Variants in NOL11 observed in about 807,000 individuals in gnomAD.
NOL11 encodes nucleolar protein 11.
Under a neutral mutation model 93.0 loss-of-function variants are expected in NOL11, and 42 were observed. The observed-to-expected ratio is 0.45, with a 90% CI of 0.35 to 0.58. NOL11 has a LOEUF of 0.58. Among genes scored for constraint, NOL11 ranks in the 20% least tolerant of loss-of-function variants. The pLI, the probability that NOL11 is intolerant of heterozygous loss-of-function variation, is 0.00. For missense variants in NOL11, 775 were observed against 841.8 expected (o/e 0.92, Z 0.98); for synonymous variants, 296 against 293.7 (o/e 1.01, Z -0.08).
At chr17:67,724,965 G>A (rs2055076363) in intron 6 of NOL11, among the ~76,000 whole-genome samples, 1 of 152,188 alleles carries the variant, frequency 6.6e-6, no homozygotes, top group Non-Finnish European at 1.5e-5. Context: ...GGCTGAGGCA[G>A]GAGAATGGTG....
At chr17:67,730,233 A>G (rs921300597) in intron 7 of NOL11, among the ~76,000 whole-genome samples, 1 of 151,902 alleles carries the variant, frequency 6.6e-6, no homozygotes, top group East Asian at 1.9e-4. Context: ...GTATTTGTGT[A>G]CCAGTTTTTT....
intron 1 of NOL11, 32 bp from the exon 2 acceptor site, chr17:67,719,642 C>G (rs1041388451): frequency 1.8e-6 from 2 of 1,117,312 alleles, no homozygotes; most frequent in African/African-American, 3.1e-5. Context: ...AAGTTGACTT[C>G]TTGAATATTG....
intron 6 of NOL11, among the ~76,000 whole-genome samples, 163 bp downstream of exon 6, chr17:67,724,356 C>G (rs1433993283): frequency 7.8e-6 from 1 of 128,254 alleles, no homozygotes; most frequent in Non-Finnish European, 1.6e-5. Context: ...TTTTTTGAGA[C>G]AGAGTCTCGC....
rs201070916 is a variant in NOL11 at position 67,724,140 on chromosome 17, T to C, written c.611T>C (p.Ile204Thr). The part of the protein sequence containing the change: ...LLLGQDENSV[I>T]KSFTASVDRK... Reference sequence around the variant, plus strand: ...CTTGGACAAGACGAAAACTCTGTTATAAAGAGTTTTACTGCATCTGTAGAT... The same window carrying C: ...CTTGGACAAGACGAAAACTCTGTTACAAAGAGTTTTACTGCATCTGTAGAT... Residue 204 changes from isoleucine (I) to threonine (T), a missense_variant, in exon 6 of 18, where the codon ATA becomes ACA. Coordinates refer to ENST00000253247, the MANE Select transcript of NOL11 (RefSeq NM_015462.5). The C allele has an allele frequency of 1.3e-6, 2 of 1,592,616 alleles. No individual in the cohort carries two copies. The highest frequency in any genetic ancestry group is 1.4e-5 in the African/African-American group (1 of 73,766).
intron 15 of NOL11, 33 bp downstream of exon 15, chr17:67,739,043 C>T (rs748114765): frequency 2.6e-5 from 38 of 1,450,764 alleles, no homozygotes; most frequent in Non-Finnish European, 3.5e-5. Context: ...TAGAATTTTA[C>T]TTCTGGTTTA....
chr17:67,731,728 T>G (rs2055155941), intron 7 of NOL11, among the ~76,000 whole-genome samples: 1 of 152,220 alleles, frequency 6.6e-6, no homozygotes, highest in South Asian at 2.1e-4. Context: ...AAATAAGGGA[T>G]TAACTTTGTT....
In NOL11 at chr17:67,736,062, G is replaced by A. The variant is rs139628678; in HGVS notation, c.1054+39G>A. Reference sequence around the variant, plus strand: ...TCTGTTTGTTTTATTAATACAAACCGTTTTATTAACTTGTAGTTTCGTACA... The same window carrying A: ...TCTGTTTGTTTTATTAATACAAACCATTTTATTAACTTGTAGTTTCGTACA... On this transcript the variant is annotated intron_variant, in intron 9 of 17. Transcript: ENST00000253247. 7.8e-4 allele frequency: 1,212 copies of A among 1,554,810 alleles called. 13 individuals are homozygous for A. In the Middle Eastern group the frequency reaches 8.5e-3, roughly 11 times the overall value.
At chr17:67,728,926 T>A (rs955756553) in intron 7 of NOL11, among the ~76,000 whole-genome samples, 71 of 152,328 alleles carry the variant, frequency 4.7e-4, no homozygotes, top group African/African-American at 1.7e-3. Flanking sequence ...AACATAAAAT[T>A]AATCGTTTTA....
chr17:67,741,340 G>T (rs549281950), intron 16 of NOL11, among the ~76,000 whole-genome samples: 1 of 152,132 alleles, frequency 6.6e-6, no homozygotes, highest in African/African-American at 2.4e-5. Context: ...AAAGTGCTAG[G>T]ATTACAGGTG....
chr17:67,718,367 G>A (rs1386998790), intron 1 of NOL11, among the ~76,000 whole-genome samples: 1 of 152,202 alleles, frequency 6.6e-6, no homozygotes, highest in East Asian at 1.9e-4. Context: ...GGAACTCGCG[G>A]AATTGGCCTT....
chr17:67,743,624 C>T (rs759624217), intron 17 of NOL11, 38 bp downstream of exon 17: 4 of 1,308,710 alleles, frequency 3.1e-6, no homozygotes, highest in African/African-American at 1.5e-5. Context: ...TTTATTTGTA[C>T]CCAAGTATCA....
chr17:67,724,371 T>C (rs960445560), intron 6 of NOL11, among the ~76,000 whole-genome samples, 178 bp downstream of exon 6: 1 of 148,520 alleles, frequency 6.7e-6, no homozygotes, highest in Non-Finnish European at 1.5e-5. Context: ...TCTCGCTCTG[T>C]CGCCCAGGCT....
intron 8 of NOL11, among the ~76,000 whole-genome samples, chr17:67,735,539 A>C (rs895638382): frequency 2.6e-5 from 4 of 151,836 alleles, no homozygotes; most frequent in Non-Finnish European, 5.9e-5. Flanking sequence ...TAAAGTGTTA[A>C]ATTCCGGTTT....
At position 67,730,353 on chromosome 17, in the gene NOL11, C is replaced by T. The variant is rs183011207; in HGVS notation, c.853+3705C>T. Among the ~76,000 whole-genome samples the T allele has an allele frequency of 5.3e-3, 802 of 152,258 alleles. 4 individuals carry two copies. Among genetic ancestry groups the T allele is most frequent in the Non-Finnish European group, 9.3e-3 (630 of 68,026 alleles). ...TGGGCTCACTGCAAGCTCCGCCTCT[C>T]GGGTTCACACCATTCTTCTGTCTCA... On this transcript the variant is annotated intron_variant, in intron 7 of 17. Coordinates refer to ENST00000253247, the MANE Select transcript of NOL11 (RefSeq NM_015462.5).
At chr17:67,730,272 T>G (rs560036336) in intron 7 of NOL11, among the ~76,000 whole-genome samples, 49 of 152,196 alleles carry the variant, frequency 3.2e-4, no homozygotes, top group Middle Eastern at 3.4e-3. Context: ...TTGTTTGTTT[T>G]TTTGAGACAA....
intron 7 of NOL11, among the ~76,000 whole-genome samples, chr17:67,731,916 GTTC>G (rs905181466): frequency 9.2e-5 from 14 of 152,250 alleles, no homozygotes; most frequent in African/African-American, 2.9e-4. Context: ...CTCCAACTTT[GTTC>G]TTCTTTTTCA....
intron 7 of NOL11, among the ~76,000 whole-genome samples, chr17:67,729,481 G>A (rs1460956887): frequency 6.6e-6 from 1 of 151,920 alleles, no homozygotes; most frequent in Non-Finnish European, 1.5e-5. Flanking sequence ...TTAGGCAGTT[G>A]CTCCTCATTC....
intron 1 of NOL11, 38 bp downstream of exon 1, chr17:67,718,126 C>G (rs1320773706): frequency 6.3e-7 from 1 of 1,596,624 alleles, no homozygotes; most frequent in East Asian, 2.2e-5. Flanking sequence ...CGACTGCCTT[C>G]TCGCCCCTTT....
chr17:67,739,807 G>A (rs1269174659), intron 16 of NOL11, among the ~76,000 whole-genome samples, 199 bp downstream of exon 16: 2 of 152,172 alleles, frequency 1.3e-5, no homozygotes, highest in Non-Finnish European at 1.5e-5. Context: ...AAATCTACAC[G>A]ACAGAATTTT....
Sources: allele counts gnomAD v4.1 joint callset (sites outside exome capture counted in the v4.1 genomes callset), GRCh38; gene constraint gnomAD v4.1.1; transcripts MANE v1.5; gene names NCBI Gene and HGNC (gene_info 2026-07-23, HGNC 2026-07-21).